The following ANKRD27 variants were observed in gnomAD, a reference collection of about 807,000 sequenced individuals.
The protein encoded by ANKRD27 is ankyrin repeat domain 27, also known as ankyrin repeat domain-containing protein 27.
Under a neutral mutation model 129.7 loss-of-function variants are expected in ANKRD27, and 112 were observed. That is an observed-to-expected ratio of 0.86 (90% CI 0.74 to 1.01). The LOEUF is 1.01. Among genes scored for constraint, ANKRD27 ranks in the 50% least tolerant of loss-of-function variants. ANKRD27 has a pLI of 0.00. For missense variants in ANKRD27, 1,258 were observed against 1,300.5 expected, an observed-to-expected ratio of 0.97 and a Z score of 0.50; for synonymous variants, 516 against 511.2, an observed-to-expected ratio of 1.01 and a Z score of -0.13.
chr19:32,609,161 T>TG (rs1271558571), intron 22 of ANKRD27, among the ~76,000 whole-genome samples: 1 of 150,868 alleles, frequency 6.6e-6, no homozygotes, highest in Non-Finnish European at 1.5e-5. Context: ...GTGGAGCAAC[T>TG]GGAATGCTCA....
At chr19:32,643,747 AT>A in intron 5 of ANKRD27, 116 bp from the exon 6 acceptor site, 1 of 1,044,896 alleles carries the variant, frequency 9.6e-7, no homozygotes, top group Non-Finnish European at 1.5e-6. Context: ...TATGAAGTCA[AT>A]TACGTGATTT....
chr19:32,667,229 C>A (rs866258044), intron 1 of ANKRD27, among the ~76,000 whole-genome samples: 2 of 152,262 alleles, frequency 1.3e-5, no homozygotes, highest in Non-Finnish European at 2.9e-5. Flanking sequence ...ACATGCTGCA[C>A]GGCCCCTGCT....
chr19:32,643,022 C>T, intron 9 of ANKRD27, 101 bp downstream of exon 9: 1 of 1,156,176 alleles, frequency 8.6e-7, no homozygotes, highest in Non-Finnish European at 1.3e-6. Flanking sequence ...CTAACCACAT[C>T]AAACCAGCGT....
rs1972033232 is a variant in ANKRD27, at chr19:32,622,756, C to A, written c.1630-137G>T. The A allele has an allele frequency of 4.6e-5, 33 of 714,968 alleles. No homozygotes were observed. The South Asian group carries it at 5.8e-4, about 13-fold the overall frequency. 44.3% of individuals were successfully genotyped at this position (714,968 alleles called of 1,614,324 possible). A position where few individuals can be genotyped will look rare whatever the true frequency, so the allele number is the denominator to read the frequency against. ...GAAGTGTCACAGTATCTGATCAGGA[C>A]ACCTCATTCTCATTCATTTTTTTTT... On this transcript the variant is annotated intron_variant, in intron 17 of 28. Coordinates refer to ENST00000306065, the MANE Select transcript of ANKRD27 (RefSeq NM_032139.3).
intron 21 of ANKRD27, 66 bp downstream of exon 21, chr19:32,617,523 G>A: frequency 1.4e-6 from 1 of 690,022 alleles, no homozygotes; most frequent in East Asian, 2.6e-5. Context: ...CTCCAGCCTG[G>A]GTGACAGAAC....
At chr19:32,606,253 A>G (rs1971734555) in intron 23 of ANKRD27, among the ~76,000 whole-genome samples, 1 of 150,232 alleles carries the variant, frequency 6.7e-6, no homozygotes. Flanking sequence ...CCCAGGTTCA[A>G]CTGATTCTCA....
chr19:32,615,886 C>T, intron 21 of ANKRD27, 106 bp from the exon 22 acceptor site: 1 of 1,467,658 alleles, frequency 6.8e-7, no homozygotes, highest in Non-Finnish European at 9.2e-7. Context: ...CCCACGCTTC[C>T]TTCTCCAACC....
intron 2 of ANKRD27, among the ~76,000 whole-genome samples, chr19:32,658,471 T>G (rs1967584745): frequency 6.6e-6 from 1 of 152,210 alleles, no homozygotes; most frequent in South Asian, 2.1e-4. Flanking sequence ...TGGAAAAACC[T>G]TTCAAAGCAG....
chr19:32,652,891 A>G (rs552776145), intron 2 of ANKRD27, among the ~76,000 whole-genome samples: 12 of 152,288 alleles, frequency 7.9e-5, no homozygotes, highest in African/African-American at 2.9e-4. Context: ...TCACGCCACT[A>G]TACTCCAGTG....
chr19:32,613,985 G>C (rs1190068198), intron 22 of ANKRD27, among the ~76,000 whole-genome samples: 1 of 152,170 alleles, frequency 6.6e-6, no homozygotes, highest in African/African-American at 2.4e-5. Context: ...TGGGATTACA[G>C]GCATAAGCCA....
intron 11 of ANKRD27, 140 bp from the exon 12 acceptor site, chr19:32,639,628 C>G (rs35760204): frequency 0.028 from 23,434 of 832,066 alleles, 484 homozygotes; most frequent in East Asian, 0.095. Flanking sequence ...TCCCCTGGAT[C>G]TCTCTGCAGA....
chr19:32,614,879 T>TA (rs1971890618), intron 22 of ANKRD27, among the ~76,000 whole-genome samples: 1 of 152,166 alleles, frequency 6.6e-6, no homozygotes, highest in East Asian at 1.9e-4. Flanking sequence ...TCAATGTTGA[T>TA]ATCCTGGCTG....
At chr19:32,647,221 A>G (rs186367033) in intron 3 of ANKRD27, among the ~76,000 whole-genome samples, 288 of 152,316 alleles carry the variant, frequency 1.9e-3, no homozygotes, top group Middle Eastern at 6.8e-3. Context: ...TTTGTTGCGT[A>G]TCGCAGACTC....
intron 21 of ANKRD27, among the ~76,000 whole-genome samples, chr19:32,617,147 G>A (rs1971932667): frequency 6.6e-6 from 1 of 152,082 alleles, no homozygotes; most frequent in Non-Finnish European, 1.5e-5. Flanking sequence ...TAAACATAGC[G>A]CCCTCTGCAC....
rs77861604 is a variant in ANKRD27, at chr19:32,652,068, G to C, written c.103-2276C>G. On this transcript the variant is annotated intron_variant, in intron 2 of 28. Transcript: ENST00000306065. ...ACCGGGGAGGAGTTGCCTGGGATAG[G>C]GGGTAGAGAGCTAGGCCAACGGCCT... Among the ~76,000 whole-genome samples the C allele has an allele frequency of 9.1e-3, 1,389 of 152,324 alleles. 15 individuals carry two copies. Among genetic ancestry groups the C allele is most frequent in the African/African-American group, 0.031 (1,298 of 41,568 alleles).
intron 1 of ANKRD27, among the ~76,000 whole-genome samples, chr19:32,661,493 C>T (rs570689228): frequency 9.9e-5 from 15 of 152,056 alleles, no homozygotes; most frequent in African/African-American, 2.2e-4. Flanking sequence ...TGCACCACCA[C>T]GCCCAACCTT....
At chr19:32,658,421 C>T (rs1967583641) in intron 2 of ANKRD27, among the ~76,000 whole-genome samples, 1 of 152,322 alleles carries the variant, frequency 6.6e-6, no homozygotes, top group Non-Finnish European at 1.5e-5. Context: ...GAGGTTGTGG[C>T]CTCTACCAGA....
At chr19:32,625,702 G>A (rs1034733243) in intron 17 of ANKRD27, among the ~76,000 whole-genome samples, 172 bp downstream of exon 17, 13 of 152,128 alleles carry the variant, frequency 8.5e-5, no homozygotes, top group African/African-American at 3.1e-4. Flanking sequence ...AAAGTGCTGG[G>A]ATTACAGGCG....
At position 32,599,748 on chromosome 19, in the gene ANKRD27, T is replaced by C. The variant is rs576954721; in HGVS notation, c.2875A>G (p.Arg959Gly). 87 of 1,613,952 alleles carry C rather than the reference T, an allele frequency of 5.4e-5. 1 individual carries two copies. In the South Asian group the frequency reaches 9.5e-4, roughly 18 times the overall value. ...KGKTSREIMARDRSVPNLTEG... is the reference protein window; with the variant it reads ...KGKTSREIMAGDRSVPNLTEG... ...GTTAAATTAGGGACACTTCTATCTC[T>C]TGCCATAATCTCCCTTGAAGTCTTT... Residue 959 changes from arginine (R) to glycine (G), a missense_variant, in exon 28 of 29, where the codon AGA (arginine) becomes GGA (glycine). Arg to Gly is a moderately radical substitution (Grantham distance 125). Coordinates refer to ENST00000306065, the MANE Select transcript of ANKRD27 (RefSeq NM_032139.3).
Sources: gnomAD v4.1 joint callset for allele counts (sites outside exome capture counted in the v4.1 genomes callset) on GRCh38, gnomAD v4.1.1 for gene constraint, MANE v1.5 for transcripts, NCBI Gene and HGNC (gene_info 2026-07-23, HGNC 2026-07-21) for gene names.